DOCK6: variants seen among roughly 807,000 people sequenced by gnomAD.
DOCK6 encodes dedicator of cytokinesis protein 6.
A neutral mutation model predicts 230.3 loss-of-function variants in DOCK6; 167 were observed. The ratio of observed to expected loss-of-function variants is 0.73; its 90% CI spans 0.64 to 0.82. The LOEUF is 0.82. DOCK6 is among the 40% of genes least tolerant of loss of function. The probability of loss-of-function intolerance (pLI) is 0.00; values close to 1 mark genes in which losing one functional copy is unlikely to be tolerated. For missense variants in DOCK6, 2,598 were observed against 2,825.8 expected (o/e 0.92, Z 1.83); for synonymous variants, 1,148 against 1,185.0 (o/e 0.97, Z 0.64).
chr19:11,222,387 G>T lies in DOCK6; in HGVS notation c.3241-139C>A. On this transcript the variant is annotated intron_variant, in intron 26 of 47. Transcript: ENST00000294618. This position sits in a 1 kb window ranked among gnomAD's most constrained non-coding sequence, Gnocchi z 4.0. Reference sequence around the variant, plus strand: ...AAAGACTGATGTTAAGTCATCTGGAGGTGACAGTGGGCATGGGTTTCAAGG... The same window carrying T: ...AAAGACTGATGTTAAGTCATCTGGATGTGACAGTGGGCATGGGTTTCAAGG... 8.2e-7 allele frequency: 1 copy of T among 1,224,344 alleles called. No homozygotes were observed. 75.8% of individuals were successfully genotyped at this position (1,224,344 alleles called of 1,614,324 possible). A position where few individuals can be genotyped will look rare whatever the true frequency, so the allele number is the denominator to read the frequency against.
Position 11,236,854 on chromosome 19 carries a change from A to G in DOCK6, c.2099T>C (p.Val700Ala). ...PDVALPGMRWVDGHKGVFSVE... is the reference protein window; with the variant it reads ...PDVALPGMRWADGHKGVFSVE... ...ACTGAACACGCCCTTGTGACCGTCC[A>G]CCCAGCGCATGCCCGGAAGCGCCAC... is the stretch of plus-strand genomic sequence containing the variant. Residue 700 changes from valine (V) to alanine (A), a missense_variant, in exon 19 of 48, where the codon GTG becomes GCG. Transcript: ENST00000294618. The surrounding 1 kb of genome is among the most constrained non-coding windows in gnomAD (Gnocchi z 5.2). 1.9e-6 allele frequency: 3 copies of G among 1,555,020 alleles called. No individual in the cohort carries two copies. Among genetic ancestry groups the G allele is most frequent in the Non-Finnish European group, 2.6e-6 (3 of 1,149,504 alleles).
intron 22 of DOCK6, 171 bp from the exon 23 acceptor site, chr19:11,229,206 G>T: frequency 7.8e-7 from 1 of 1,276,598 alleles, no homozygotes; most frequent in Non-Finnish European, 1.0e-6. Flanking sequence ...GGGCTCGCCA[G>T]ACCCCCCTGG....
chr19:11,233,178 G>A (rs1029615233), intron 22 of DOCK6, 25 bp downstream of exon 22: 1 of 1,608,516 alleles, frequency 6.2e-7, no homozygotes, highest in Non-Finnish European at 8.5e-7. Context: ...TGAGGCTGGA[G>A]ATTCCAGGGC....
At chr19:11,210,125 C>T (rs1460911247) in intron 37 of DOCK6, among the ~76,000 whole-genome samples, 1 of 149,794 alleles carries the variant, frequency 6.7e-6, no homozygotes, top group Non-Finnish European at 1.5e-5. Flanking sequence ...CTGTCTATCC[C>T]CTTACCTGTC....
chr19:11,200,723 A>C lies in DOCK6; in HGVS notation c.5932T>G (p.Cys1978Gly). 6.2e-7 allele frequency: 1 copy of C among 1,612,850 alleles called. No individual in the cohort carries two copies. The highest frequency in any genetic ancestry group is 8.5e-7 in the Non-Finnish European group (1 of 1,179,418). ...NKLRLCFKDF[C>G]KKCEDALRKN... is the part of the protein sequence containing the mutation. Reference sequence around the variant, plus strand: ...GGGGGGTTTTGCGCCTACTTCTTGCAGAAGTCCTTGAAGCAGAGCCGCAAT... The same window carrying C: ...GGGGGGTTTTGCGCCTACTTCTTGCCGAAGTCCTTGAAGCAGAGCCGCAAT... Residue 1978 changes from cysteine (C) to glycine (G), a missense_variant, in exon 46 of 48, where the codon TGC (cysteine) becomes GGC (glycine). Physicochemically the swap from Cys to Gly is radical, Grantham distance 159. Transcript: ENST00000294618. This position sits in a 1 kb window ranked among gnomAD's most constrained non-coding sequence, Gnocchi z 4.3.
At chr19:11,233,837 CT>C (rs34494692) in intron 21 of DOCK6, among the ~76,000 whole-genome samples, 184 of 144,398 alleles carry the variant, frequency 1.3e-3, no homozygotes, top group East Asian at 4.4e-3. Context: ...AAGATCCTGA[CT>C]TTTTTTTTTT....
rs754615545 is a variant in DOCK6 at position 11,202,429 on chromosome 19, TAG to T, written c.5414_5415del (p.Ser1805Ter). On this transcript the variant is annotated frameshift_variant, in exon 43 of 48. Coordinates refer to ENST00000294618, the MANE Select transcript of DOCK6 (RefSeq NM_020812.4). LOFTEE classifies it high-confidence loss of function. The surrounding 1 kb of genome is among the most constrained non-coding windows in gnomAD (Gnocchi z 5.3). ...TCAAGCTTGGACTTGTCCACAGGGT[TAG>T]AGTCTTTGATAATCTCAACGACGTC... Reference protein sequence around the residue: ...GDDVVEIIKDSNPVDKSKLDS... With the variant: ...GDDVVEIIKDXNPVDKSKLDS... 7.4e-6 allele frequency: 12 copies of T among 1,613,718 alleles called. No individual in the cohort carries two copies. Among genetic ancestry groups the T allele is most frequent in the African/African-American group, 6.7e-5 (5 of 74,942 alleles).
intron 39 of DOCK6, among the ~76,000 whole-genome samples, chr19:11,207,791 A>G (rs1217915605): frequency 6.6e-6 from 1 of 151,738 alleles, no homozygotes; most frequent in Non-Finnish European, 1.5e-5. Context: ...TTAGCCGGAC[A>G]TAGTGATGTG....
chr19:11,200,952 A>G lies in DOCK6; in HGVS notation c.5789T>C (p.Leu1930Pro), dbSNP rs994250123. 6.2e-7 allele frequency: 1 copy of G among 1,613,776 alleles called. No homozygotes were observed. The highest frequency in any genetic ancestry group is 1.3e-5 in the African/African-American group (1 of 74,880). Residue 1930 changes from leucine to proline, a missense_variant, in exon 45 of 48, where the codon CTA becomes CCA. Transcript: ENST00000294618. The surrounding 1 kb of genome is among the most constrained non-coding windows in gnomAD (Gnocchi z 4.3). ...TACAGAGCCCTGAAGCACCATCTGTAGCATCTTAGCATCTGGTGGGTCCTG... is the reference window on the plus strand; with the variant it reads ...TACAGAGCCCTGAAGCACCATCTGTGGCATCTTAGCATCTGGTGGGTCCTG... ...TEQDPPDAKMLQMVLQGSVGP... is the reference protein window; with the variant it reads ...TEQDPPDAKMPQMVLQGSVGP...
rs768313821 is a variant in DOCK6, at chr19:11,243,658, C to A, written c.1157G>T (p.Arg386Leu). Residue 386 changes from arginine (R) to leucine (L), a missense_variant, in exon 11 of 48, where the codon CGC (arginine) becomes CTC (leucine). Physicochemically the swap from Arg to Leu is moderately radical, Grantham distance 102. Transcript: ENST00000294618. This position sits in a 1 kb window ranked among gnomAD's most constrained non-coding sequence, Gnocchi z 6.3. Reference protein sequence around the residue: ...LRLAAEQFCTRLGRYRMPFAW... With the variant: ...LRLAAEQFCTLLGRYRMPFAW... ...GAAGGGCATGCGGTAGCGGCCCAGG[C>A]GGGTGCAGAACTGCTCGGCCGCCAG... 13 of 1,612,814 alleles carry A rather than the reference C, an allele frequency of 8.1e-6. No homozygotes were observed. The highest frequency in any genetic ancestry group is 5.5e-5 in the South Asian group (5 of 91,014).
In DOCK6 at chr19:11,222,085, G is replaced by A. The variant is rs769617879; in HGVS notation, c.3380+24C>T. On this transcript the variant is annotated intron_variant, in intron 27 of 47. Coordinates refer to ENST00000294618, the MANE Select transcript of DOCK6 (RefSeq NM_020812.4). The surrounding 1 kb of genome is among the most constrained non-coding windows in gnomAD (Gnocchi z 4.0). The stretch of plus-strand genomic sequence containing the variant: ...CTCCTGGACTGTCCCACCTGTCCTG[G>A]GGCTAGACAGGAGCTCTGCTCACCC... The A allele has an allele frequency of 6.2e-7, 1 of 1,610,040 alleles. No individual in the cohort carries two copies. The highest frequency in any genetic ancestry group is 2.2e-5 in the East Asian group (1 of 44,750).
intron 1 of DOCK6, among the ~76,000 whole-genome samples, chr19:11,258,940 A>C (rs552236724): frequency 7.3e-5 from 11 of 150,860 alleles, no homozygotes; most frequent in African/African-American, 2.7e-4. Flanking sequence ...TATTTTTCGT[A>C]GAGATGGGGT....
At chr19:11,211,935 G>C in intron 36 of DOCK6, 58 bp downstream of exon 36, 1 of 1,578,696 alleles carries the variant, frequency 6.3e-7, no homozygotes, top group South Asian at 1.1e-5. Context: ...GGGAGCCAAG[G>C]TGGTGGGGTT....
chr19:11,208,652 C>T, intron 39 of DOCK6, 34 bp downstream of exon 39: 1 of 1,590,552 alleles, frequency 6.3e-7, no homozygotes, highest in Middle Eastern at 1.7e-4. Context: ...CTGGCCCGAG[C>T]CCCCTCTCCT....
At chr19:11,219,585 C>T (rs539552333) in intron 28 of DOCK6, among the ~76,000 whole-genome samples, 1 of 151,610 alleles carries the variant, frequency 6.6e-6, no homozygotes, top group Non-Finnish European at 1.5e-5. Flanking sequence ...GTCAGGAGAT[C>T]GAGACCATCC....
At chr19:11,238,149 G>C in intron 15 of DOCK6, 34 bp from the exon 16 acceptor site, 3 of 1,613,878 alleles carry the variant, frequency 1.9e-6, no homozygotes, top group Non-Finnish European at 2.5e-6. Context: ...ACCCATGGGG[G>C]ATGCCCTACC....
chr19:11,206,768 T>C (rs1181469450), intron 39 of DOCK6, among the ~76,000 whole-genome samples: 1 of 151,872 alleles, frequency 6.6e-6, no homozygotes, highest in Non-Finnish European at 1.5e-5. Context: ...AAAAGGGTCT[T>C]TATCAGGAAG....
chr19:11,248,416 A>T (rs1169421555), intron 6 of DOCK6, among the ~76,000 whole-genome samples: 2 of 145,906 alleles, frequency 1.4e-5, no homozygotes, highest in South Asian at 2.2e-4. Context: ...ATAGAAGCTT[A>T]TTTTTTTTTT....
At chr19:11,230,736 G>A (rs1215770408) in intron 22 of DOCK6, among the ~76,000 whole-genome samples, 2 of 152,096 alleles carry the variant, frequency 1.3e-5, no homozygotes, top group Non-Finnish European at 2.9e-5. Context: ...TTGGTGAGGT[G>A]CCAGGAATAG....
Sources: gnomAD v4.1 joint callset for allele counts (sites outside exome capture counted in the v4.1 genomes callset) on GRCh38, gnomAD v4.1.1 for gene constraint, Gnocchi (gnomAD v3.1) non-coding constraint, MANE v1.5 for transcripts, NCBI Gene and HGNC (gene_info 2026-07-23, HGNC 2026-07-21) for gene names.